Variants in COLGALT1 observed in about 807,000 individuals in gnomAD.
The protein encoded by COLGALT1 is collagen beta(1-O)galactosyltransferase 1, also known as procollagen galactosyltransferase 1.
A neutral mutation model predicts 60.8 loss-of-function variants in COLGALT1; 43 were observed. That is an observed-to-expected ratio of 0.71 (90% CI 0.55 to 0.91). COLGALT1 has a LOEUF of 0.91. Ranked by LOEUF, COLGALT1 falls within the 40% of genes least tolerant of loss-of-function variation. COLGALT1 has a pLI of 0.00. For synonymous variants in COLGALT1, 369 were observed against 374.2 expected, an observed-to-expected ratio of 0.99 and a Z score of 0.16; for missense variants, 845 against 880.0, an observed-to-expected ratio of 0.96 and a Z score of 0.50.
At chr19:17,567,370 G>A in intron 3 of COLGALT1, 36 bp from the exon 4 acceptor site, 1 of 1,610,296 alleles carries the variant, frequency 6.2e-7, no homozygotes, top group Admixed American at 1.7e-5. Flanking sequence ...GCCTGACCTG[G>A]CAGCCCATGC....
chr19:17,564,376 A>G (rs987464391), intron 3 of COLGALT1, among the ~76,000 whole-genome samples: 4 of 150,532 alleles, frequency 2.7e-5, no homozygotes, highest in Non-Finnish European at 5.9e-5. Context: ...TGTGTATAAT[A>G]TAGATATACA....
At chr19:17,566,047 A>G (rs545622111) in intron 3 of COLGALT1, 1 of 152,218 alleles carries the variant, frequency 6.6e-6, no homozygotes, top group African/African-American at 2.4e-5. Flanking sequence ...AACAGAAAGC[A>G]TCTCTGTGGA....
chr19:17,581,226 G>T lies in COLGALT1; in HGVS notation c.1651G>T (p.Val551Leu). The T allele has an allele frequency of 6.2e-7, 1 of 1,609,808 alleles. No individual in the cohort carries two copies. ...CCTCCGCAACCTGCATGCCTTCTCT[G>T]TGGAGCCGCTGCTCATCTACCCCAC... The part of the protein sequence containing the change: ...FSLRNLHAFS[V>L]EPLLIYPTHY... The change falls in exon 12 of 12, where the codon GTG becomes TTG. Residue 551 changes from valine (V) to leucine (L), a missense_variant. Coordinates refer to ENST00000252599, the MANE Select transcript of COLGALT1 (RefSeq NM_024656.4).
intron 1 of COLGALT1, among the ~76,000 whole-genome samples, chr19:17,559,045 C>T (rs2076232254): frequency 6.6e-6 from 1 of 152,062 alleles, no homozygotes; most frequent in Admixed American, 6.6e-5. Flanking sequence ...CCTGTAGTCC[C>T]AGCTACTTGG....
chr19:17,572,484 G>A lies in COLGALT1; in HGVS notation c.831G>A (p.Glu277=), dbSNP rs1380696509. The stretch of plus-strand genomic sequence containing the variant: ...CTGTTGCTTCCCTGCCCACTGCAGA[G>A]GTTCAGATGTATGTGTGCAACAAGG... ...IVFAFSCKQA[E]VQMYVCNKEE... is the part of the protein sequence containing the mutation. Residue 277 remains glutamate (E), a splice_region_variant and synonymous_variant, in exon 6 of 12, where the codon GAG becomes GAA. Transcript: ENST00000252599. The A allele has an allele frequency of 1.2e-6, 2 of 1,614,092 alleles. No homozygotes were observed. Among genetic ancestry groups the A allele is most frequent in the Admixed American group, 1.7e-5 (1 of 60,000 alleles).
intron 3 of COLGALT1, among the ~76,000 whole-genome samples, chr19:17,564,922 C>T (rs929804646): frequency 3.3e-5 from 5 of 152,150 alleles, no homozygotes; most frequent in African/African-American, 1.2e-4. Flanking sequence ...TAGGCTCTGG[C>T]AGCCACTAAT....
At chr19:17,560,925 C>T (rs2076245209) in intron 3 of COLGALT1, among the ~76,000 whole-genome samples, 3 of 151,760 alleles carry the variant, frequency 2.0e-5, no homozygotes, top group Admixed American at 2.0e-4. Context: ...TTTGTGGAAG[C>T]CAGGCATGGT....
intron 8 of COLGALT1, among the ~76,000 whole-genome samples, chr19:17,577,721 C>G (rs2144845090): frequency 6.6e-6 from 1 of 150,606 alleles, no homozygotes; most frequent in South Asian, 2.1e-4. Flanking sequence ...CCAGTGTAGA[C>G]TGGTGGGGAC....
intron 10 of COLGALT1, 46 bp downstream of exon 10, chr19:17,579,655 G>A (rs761711317): frequency 2.5e-6 from 4 of 1,576,350 alleles, no homozygotes; most frequent in Non-Finnish European, 3.5e-6. Context: ...CCTGGGGCAA[G>A]GCCAGGACTT....
In COLGALT1 at chr19:17,582,190, T is replaced by A. The variant is rs1047674901; in HGVS notation, c.*746T>A. The A allele has an allele frequency of 1.3e-5, 2 of 152,258 alleles. No homozygotes were observed. Among genetic ancestry groups the A allele is most frequent in the East Asian group, 3.8e-4 (2 of 5,202 alleles). 9.4% of individuals were successfully genotyped at this position (152,258 alleles called of 1,614,324 possible). A position where few individuals can be genotyped will look rare whatever the true frequency, so the allele number is the denominator to read the frequency against. ...ACCCAAAGTGCTAGGGTTACAGGCATGAGCCACTGTGCCCAGCCCAGGCTC... is the reference window on the plus strand; with the variant it reads ...ACCCAAAGTGCTAGGGTTACAGGCAAGAGCCACTGTGCCCAGCCCAGGCTC... On this transcript the variant is annotated 3_prime_UTR_variant, in exon 12 of 12. Transcript: ENST00000252599.
At position 17,568,510 on chromosome 19, in the gene COLGALT1, G is replaced by T. The variant is rs1390283521; in HGVS notation, c.626G>T (p.Gly209Val). ...GGAACTCTCGCTCTCTCCCCACAGG[G>T]CTACTACAAGCGCACACCTGCCTAC... ...SNFWCGMTSQ[G>V]YYKRTPAYIP... The change falls in exon 5 of 12, where the codon GGC becomes GTC. Residue 209 changes from glycine to valine, a missense_variant and splice_region_variant. Physicochemically the swap from Gly to Val is moderately radical, Grantham distance 109 (BLOSUM62 -3). Coordinates refer to ENST00000252599, the MANE Select transcript of COLGALT1 (RefSeq NM_024656.4). The T allele has an allele frequency of 2.5e-6, 4 of 1,613,788 alleles. No individual in the cohort carries two copies. The highest frequency in any genetic ancestry group is 1.1e-5 in the South Asian group (1 of 91,066).
At chr19:17,574,386 G>A (rs1488176089) in intron 6 of COLGALT1, among the ~76,000 whole-genome samples, 2 of 151,258 alleles carry the variant, frequency 1.3e-5, no homozygotes, top group African/African-American at 4.9e-5. Flanking sequence ...CTGGAATGCA[G>A]TGGCGCATTC....
At position 17,580,703 on chromosome 19, in the gene COLGALT1, G is replaced by A; in HGVS notation, c.1399G>A (p.Val467Met). ...REGLDWDLIYVGRKRMQVEHP... is the reference protein window; with the variant it reads ...REGLDWDLIYMGRKRMQVEHP... ...AGGCCCGATCTTGCACCCCAGCTATGTGGGCCGGAAGCGGATGCAGGTGGA... is the reference window on the plus strand; with the variant it reads ...AGGCCCGATCTTGCACCCCAGCTATATGGGCCGGAAGCGGATGCAGGTGGA... The change falls in exon 11 of 12, where the codon GTG (valine) becomes ATG (methionine). Residue 467 changes from valine to methionine, a missense_variant. By Grantham distance (21) the Val-to-Met change is conservative. Transcript: ENST00000252599. 1 of 1,613,966 alleles carries A rather than the reference G, an allele frequency of 6.2e-7. No individual in the cohort carries two copies. The highest frequency in any genetic ancestry group is 8.5e-7 in the Non-Finnish European group (1 of 1,180,022).
At chr19:17,568,332 A>G (rs2076291141) in intron 4 of COLGALT1, among the ~76,000 whole-genome samples, 177 bp from the exon 5 acceptor site, 1 of 152,108 alleles carries the variant, frequency 6.6e-6, no homozygotes, top group Admixed American at 6.6e-5. Context: ...GCTCTTTCTT[A>G]TTGGCCATGC....
chr19:17,556,524 A>G (rs2076212893), intron 1 of COLGALT1: 3 of 985,462 alleles, frequency 3.0e-6, no homozygotes, highest in Middle Eastern at 5.2e-4. Flanking sequence ...CAGATGGCCC[A>G]GGAGGAAGTG....
intron 9 of COLGALT1, 45 bp from the exon 10 acceptor site, chr19:17,579,437 C>G: frequency 6.2e-7 from 1 of 1,613,634 alleles, no homozygotes; most frequent in Non-Finnish European, 8.5e-7. Context: ...TAGGGTCAGG[C>G]CTGGCCTTGG....
At chr19:17,560,770 G>C (rs1403502108) in intron 3 of COLGALT1, among the ~76,000 whole-genome samples, 1 of 151,714 alleles carries the variant, frequency 6.6e-6, no homozygotes. Context: ...ACTCACTCTG[G>C]TGCCCAGGCT....
intron 1 of COLGALT1, among the ~76,000 whole-genome samples, chr19:17,557,303 T>C (rs1195937038): frequency 1.3e-5 from 2 of 152,140 alleles, no homozygotes; most frequent in African/African-American, 4.8e-5. Flanking sequence ...CTTTGAGATA[T>C]ACTTTTTTTT....
At chr19:17,578,213 C>A in intron 9 of COLGALT1, 124 bp downstream of exon 9, 1 of 1,080,040 alleles carries the variant, frequency 9.3e-7, no homozygotes, top group Non-Finnish European at 1.2e-6. Context: ...AGCCATGGGA[C>A]CCATGGCCTC....
Sources: allele counts gnomAD v4.1 joint callset (sites outside exome capture counted in the v4.1 genomes callset), GRCh38; gene constraint gnomAD v4.1.1; transcripts MANE v1.5; gene names NCBI Gene and HGNC (gene_info 2026-07-23, HGNC 2026-07-21).